Variants in GLMN observed in about 807,000 individuals in gnomAD.
The protein encoded by GLMN is glomulin.
In GLMN, 75 loss-of-function variants were observed where a neutral mutation model predicts 87.8. The ratio of observed to expected loss-of-function variants is 0.85; its 90% confidence interval spans 0.71 to 1.04. The LOEUF (loss-of-function observed/expected upper bound fraction) is 1.04, where lower values mean the gene tolerates loss of function less well. GLMN is among the 50% of genes least tolerant of loss of function. GLMN has a pLI of 0.00. For missense variants in GLMN, 588 were observed against 658.8 expected, an observed-to-expected ratio of 0.89 and a Z score of 1.18; for synonymous variants, 206 against 221.6, an observed-to-expected ratio of 0.93 and a Z score of 0.63.
chr1:92,334,065 G>T, the GLMN span, among the ~76,000 whole-genome samples: 1 of 151,942 alleles, frequency 6.6e-6, no homozygotes, highest in African/African-American at 2.4e-5. Context: ...TTTTCCCAGA[G>T]GTATGAGGGC....
At chr1:92,257,465 C>A (rs1654417782) in intron 16 of GLMN, among the ~76,000 whole-genome samples, 2 of 152,150 alleles carry the variant, frequency 1.3e-5, no homozygotes, top group African/African-American at 4.8e-5. Context: ...AAGAACAAAG[C>A]TGGAGGCATC....
intron 7 of GLMN, among the ~76,000 whole-genome samples, chr1:92,283,463 C>T (rs985781305): frequency 6.6e-6 from 1 of 152,068 alleles, no homozygotes; most frequent in Non-Finnish European, 1.5e-5. Context: ...ATTGATGGAA[C>T]GTATCTCAAA....
the GLMN span, chr1:92,324,407 T>C: frequency 7.3e-6 from 11 of 1,512,130 alleles, no homozygotes; most frequent in Non-Finnish European, 4.5e-6. Flanking sequence ...TTTTTCCAGA[T>C]CGTTAACATT....
chr1:92,300,291 A>T (rs1542685), upstream of GLMN: 642,204 of 1,348,768 alleles, frequency 0.48, 163,557 homozygotes, highest in East Asian at 0.96. Flanking sequence ...ATCTTGTATT[A>T]CTTGTACCAA....
chr1:92,246,779 C>G (rs1652724124), intron 18 of GLMN, 133 bp from the exon 19 acceptor site: 1 of 715,204 alleles, frequency 1.4e-6, no homozygotes, highest in Admixed American at 2.0e-5. Flanking sequence ...ACCTGTAATT[C>G]CTGTGCTTTG....
chr1:92,335,070 G>T, the GLMN span, among the ~76,000 whole-genome samples: 4 of 152,150 alleles, frequency 2.6e-5, no homozygotes, highest in Non-Finnish European at 5.9e-5. Context: ...GCTTGAGCAC[G>T]AGAGTTTGAG....
At chr1:92,315,863 G>C in the GLMN span, among the ~76,000 whole-genome samples, 1 of 152,142 alleles carries the variant, frequency 6.6e-6, no homozygotes, top group Non-Finnish European at 1.5e-5. Context: ...TACCCTGTTA[G>C]AGACAAAACA....
intron 7 of GLMN, among the ~76,000 whole-genome samples, chr1:92,272,631 C>G (rs1656356756): frequency 2.0e-5 from 3 of 152,088 alleles, no homozygotes; most frequent in Admixed American, 2.0e-4. Context: ...TAACATTGTG[C>G]CTGTAGAGAG....
rs1308716553 is a variant in GLMN, at chr1:92,271,603, T to C, written c.785A>G (p.His262Arg). Reference sequence around the variant, plus strand: ...ATTCCAAGTTCTCTTTTTCCTTCCATGATTAAAAATCATTTTGGGGAAAGG... The same window carrying C: ...ATTCCAAGTTCTCTTTTTCCTTCCACGATTAAAAATCATTTTGGGGAAAGG... The part of the protein sequence containing the change: ...GHPFPKMIFN[H>R]GRKKRTWNYL... The change falls in exon 8 of 19, where the codon CAT becomes CGT. Residue 262 changes from histidine (H) to arginine (R), a missense_variant. Coordinates refer to ENST00000370360, the MANE Select transcript of GLMN (RefSeq NM_053274.3). The C allele has an allele frequency of 3.7e-6, 6 of 1,613,038 alleles. No homozygotes were observed. In the Middle Eastern group the frequency reaches 4.9e-4, roughly 133 times the overall value.
intron 8 of GLMN, 84 bp from the exon 9 acceptor site, chr1:92,269,860 G>T: frequency 2.2e-6 from 2 of 903,024 alleles, no homozygotes; most frequent in Non-Finnish European, 3.6e-6. Context: ...GGGTTGAATT[G>T]TATCTCCCCC....
chr1:92,348,641 C>T, the GLMN span, among the ~76,000 whole-genome samples: 1 of 152,106 alleles, frequency 6.6e-6, no homozygotes, highest in Non-Finnish European at 1.5e-5. Flanking sequence ...TATTTCTGCC[C>T]CCACTGGAAA....
chr1:92,279,612 G>A (rs758133571), intron 7 of GLMN, among the ~76,000 whole-genome samples: 17 of 152,154 alleles, frequency 1.1e-4, no homozygotes, highest in Non-Finnish European at 2.1e-4. Flanking sequence ...GTTGGACAGT[G>A]GGTGCAGCCC....
At position 92,257,179 on chromosome 1, in the gene GLMN, G is replaced by A. The variant is rs1654385224; in HGVS notation, c.1473+5684C>T. On this transcript the variant is annotated intron_variant, in intron 16 of 18. Coordinates refer to ENST00000370360, the MANE Select transcript of GLMN (RefSeq NM_053274.3). ...GCTACAAAGAGAATAAAATACCTAA[G>A]AATCCAACTTGCAAGGGATGTGAAA... 2.6e-5 allele frequency among the ~76,000 whole-genome samples: 4 copies of A among 152,196 alleles called. No homozygotes were observed. In the South Asian group the frequency reaches 8.3e-4, roughly 32 times the overall value.
chr1:92,254,930 G>C (rs12093590), intron 16 of GLMN, among the ~76,000 whole-genome samples: 3,128 of 152,230 alleles, frequency 0.021, 131 homozygotes, highest in African/African-American at 0.071. Flanking sequence ...ATGTAAATGG[G>C]CTAAATGCCC....
chr1:92,339,150 C>T, the GLMN span, among the ~76,000 whole-genome samples: 1 of 151,942 alleles, frequency 6.6e-6, no homozygotes, highest in African/African-American at 2.4e-5. Flanking sequence ...TTTGATGTCT[C>T]TTTTTTAAAA....
chr1:92,307,311 T>C, the GLMN span: 1 of 1,358,858 alleles, frequency 7.4e-7, no homozygotes, highest in African/African-American at 1.5e-5. Flanking sequence ...CATTTGTTCA[T>C]ATATTCTAAT....
chr1:92,339,268 G>C, the GLMN span, among the ~76,000 whole-genome samples: 1 of 152,130 alleles, frequency 6.6e-6, no homozygotes, highest in African/African-American at 2.4e-5. Flanking sequence ...AAGCTTATTA[G>C]AATCACCTAG....
At chr1:92,295,806 CTAAT>C (rs1161931369) in intron 3 of GLMN, among the ~76,000 whole-genome samples, 25 of 152,182 alleles carry the variant, frequency 1.6e-4, no homozygotes, top group African/African-American at 5.1e-4. Context: ...TTTGGAGAGA[CTAAT>C]TAAGTTAATA....
At chr1:92,327,110 C>T in the GLMN span, among the ~76,000 whole-genome samples, 3 of 152,200 alleles carry the variant, frequency 2.0e-5, no homozygotes, top group African/African-American at 4.8e-5. Context: ...TCTGTTAAAT[C>T]CATTTGTTCT....
Sources: allele counts gnomAD v4.1 joint callset (sites outside exome capture counted in the v4.1 genomes callset), GRCh38; gene constraint gnomAD v4.1.1; transcripts MANE v1.5; gene names NCBI Gene and HGNC (gene_info 2026-07-23, HGNC 2026-07-21).